Variants in EBF1 observed in about 807,000 individuals in gnomAD.
EBF1 encodes transcription factor COE1.
In EBF1, 10 loss-of-function variants were observed where a neutral mutation model predicts 68.4. The observed-to-expected ratio is 0.15, with a 90% CI of 0.09 to 0.25. The LOEUF (loss-of-function observed/expected upper bound fraction) is 0.25, where lower values mean the gene tolerates loss of function less well. EBF1 is among the 10% of genes least tolerant of loss of function. EBF1 has a pLI of 1.00. For missense variants in EBF1, 509 were observed against 794.4 expected (o/e 0.64, Z 4.32); for synonymous variants, 298 against 299.8 (o/e 0.99, Z 0.06).
In EBF1 at chr5:158,827,911, T is replaced by C. The variant is rs144394572; in HGVS notation, c.637-4594A>G. Among the ~76,000 whole-genome samples, 213 of 152,330 alleles carry C rather than the reference T, an allele frequency of 1.4e-3. 1 individual carries two copies. Among genetic ancestry groups the C allele is most frequent in the African/African-American group, 4.7e-3 (194 of 41,586 alleles). ...AATTTAGAATATTGTGACAGTTAAG[T>C]ATTTCCTTCCAAAAAATAAACTCTT... On this transcript the variant is annotated intron_variant, in intron 7 of 15. Transcript: ENST00000313708.
chr5:158,957,635 T>C (rs535392494), intron 6 of EBF1, among the ~76,000 whole-genome samples: 2 of 152,374 alleles, frequency 1.3e-5, no homozygotes, highest in African/African-American at 4.8e-5. Flanking sequence ...AGGTAAGCCA[T>C]AGTTCCATGG....
intron 6 of EBF1, among the ~76,000 whole-genome samples, chr5:158,898,895 A>C (rs959411388): frequency 3.3e-5 from 5 of 152,190 alleles, no homozygotes; most frequent in South Asian, 2.1e-4. Flanking sequence ...AACGAAGCTT[A>C]AAACAGCCCT....
chr5:159,058,013 T>C (rs981706128), intron 6 of EBF1, among the ~76,000 whole-genome samples: 1 of 152,222 alleles, frequency 6.6e-6, no homozygotes, highest in African/African-American at 2.4e-5. Context: ...CCCTAAGTTT[T>C]GTATGTCTTG....
chr5:158,869,990 A>G (rs1330034140), intron 6 of EBF1, among the ~76,000 whole-genome samples: 1 of 152,204 alleles, frequency 6.6e-6, no homozygotes, highest in East Asian at 1.9e-4. Flanking sequence ...CAATATGCCA[A>G]ATACTCATAA....
At chr5:158,926,347 G>A (rs116669979) in intron 6 of EBF1, among the ~76,000 whole-genome samples, 3,435 of 152,172 alleles carry the variant, frequency 0.023, 41 homozygotes, top group East Asian at 0.053. Flanking sequence ...TGATTCTGAA[G>A]GTAACAATAA....
intron 6 of EBF1, among the ~76,000 whole-genome samples, chr5:158,962,739 A>G (rs1340853419): frequency 1.3e-5 from 2 of 152,344 alleles, no homozygotes; most frequent in East Asian, 3.9e-4. Flanking sequence ...AGAGCAAGGT[A>G]TAAATCTCGC....
chr5:158,731,795 A>G (rs1764148224), intron 10 of EBF1, among the ~76,000 whole-genome samples: 1 of 152,216 alleles, frequency 6.6e-6, no homozygotes, highest in Non-Finnish European at 1.5e-5. Context: ...ATTATTTGGG[A>G]CCAGCATCTG....
chr5:158,717,635 T>C (rs1046990221), intron 11 of EBF1, among the ~76,000 whole-genome samples: 1 of 152,030 alleles, frequency 6.6e-6, no homozygotes, highest in South Asian at 2.1e-4. Flanking sequence ...TCCTTGGATT[T>C]TTTTTTTTTA....
chr5:158,849,690 T>G (rs1200161618), intron 6 of EBF1, among the ~76,000 whole-genome samples: 1 of 152,234 alleles, frequency 6.6e-6, no homozygotes, highest in Non-Finnish European at 1.5e-5. Context: ...TTAAACTACC[T>G]GCAAATATTA....
At chr5:158,719,988 A>G (rs1051652011) in intron 11 of EBF1, among the ~76,000 whole-genome samples, 5 of 152,160 alleles carry the variant, frequency 3.3e-5, no homozygotes, top group African/African-American at 9.7e-5. Context: ...AAAGAAGCAC[A>G]ATACTTCCCT....
At chr5:158,717,882 T>C (rs919750754) in intron 11 of EBF1, among the ~76,000 whole-genome samples, 5 of 152,260 alleles carry the variant, frequency 3.3e-5, no homozygotes, top group African/African-American at 1.2e-4. Context: ...GCTTCACCTG[T>C]CTTGCTATGA....
At chr5:159,000,165 C>T (rs1011344291) in intron 6 of EBF1, among the ~76,000 whole-genome samples, 1 of 152,136 alleles carries the variant, frequency 6.6e-6, no homozygotes, top group African/African-American at 2.4e-5. Context: ...CCATCACACA[C>T]TTGCAGTACA....
rs1175503800 is a variant in EBF1, at chr5:159,042,607, T to TGC, written c.554+30788_554+30789insGC. 2.0e-5 allele frequency among the ~76,000 whole-genome samples: 3 copies of TGC among 151,836 alleles called. No homozygotes were observed. The South Asian group carries it at 6.2e-4, about 32-fold the overall frequency. On this transcript the variant is annotated intron_variant, in intron 6 of 15. Coordinates refer to ENST00000313708, the MANE Select transcript of EBF1 (RefSeq NM_024007.5). Reference sequence around the variant, plus strand: ...TTGCCTGTGTGTGTGTGTGTGTGTGTGTGCATGTGTGTGTGTATGTTTTGG... The same window carrying TGC: ...TTGCCTGTGTGTGTGTGTGTGTGTGTGCGTGCATGTGTGTGTGTATGTTTTGG...
At chr5:158,782,390 G>A (rs752836116) in intron 9 of EBF1, among the ~76,000 whole-genome samples, 30 of 152,094 alleles carry the variant, frequency 2.0e-4, no homozygotes, top group Non-Finnish European at 2.5e-4. Context: ...CTGGTGTGGT[G>A]GCTCACATCT....
In EBF1 at chr5:158,801,645, G is replaced by A. The variant is rs1301154254; in HGVS notation, c.779-5170C>T. 2.0e-5 allele frequency among the ~76,000 whole-genome samples: 3 copies of A among 146,426 alleles called. No individual in the cohort carries two copies. The East Asian group carries it at 6.0e-4, about 29-fold the overall frequency. ...GCTTCTTGAACAATGGTCATGGTGA[G>A]AAGGAAAAGAGAGGGAAGAATTAAA... On this transcript the variant is annotated intron_variant, in intron 8 of 15. Transcript: ENST00000313708.
chr5:158,868,825 G>T (rs1210469534), intron 6 of EBF1, among the ~76,000 whole-genome samples: 1 of 152,168 alleles, frequency 6.6e-6, no homozygotes, highest in Admixed American at 6.5e-5. Context: ...GGGTGGGAAT[G>T]TCATAAGCAA....
intron 6 of EBF1, among the ~76,000 whole-genome samples, chr5:159,029,982 G>A (rs1768445559): frequency 6.6e-6 from 1 of 150,832 alleles, no homozygotes; most frequent in African/African-American, 2.4e-5. Context: ...CTATAAATAT[G>A]AATATGTTCA....
intron 10 of EBF1, among the ~76,000 whole-genome samples, chr5:158,770,990 A>G (rs1041424114): frequency 2.6e-5 from 4 of 152,182 alleles, no homozygotes; most frequent in Non-Finnish European, 4.4e-5. Flanking sequence ...CTGGTTTAGA[A>G]CATTGCCTAG....
At chr5:159,024,668 C>T (rs1767360540) in intron 6 of EBF1, among the ~76,000 whole-genome samples, 1 of 152,184 alleles carries the variant, frequency 6.6e-6, no homozygotes, top group Admixed American at 6.5e-5. Flanking sequence ...CCCTCAACTT[C>T]TCAAAAGAGT....
Sources: gnomAD v4.1 joint callset for allele counts (sites outside exome capture counted in the v4.1 genomes callset) on GRCh38, gnomAD v4.1.1 for gene constraint, MANE v1.5 for transcripts, NCBI Gene and HGNC (gene_info 2026-07-23, HGNC 2026-07-21) for gene names.